The following CACNA2D1 variants were observed in gnomAD, a reference collection of about 807,000 sequenced individuals.
CACNA2D1 encodes the protein voltage-dependent calcium channel subunit alpha-2/delta-1.
In CACNA2D1, 53 loss-of-function variants were observed where a neutral mutation model predicts 171.5. The ratio of observed to expected loss-of-function variants is 0.31; its 90% CI spans 0.25 to 0.39. CACNA2D1 has a LOEUF of 0.39. CACNA2D1 is among the 10% of genes least tolerant of loss of function. The probability of loss-of-function intolerance (pLI) is 1.00; values close to 1 mark genes in which losing one functional copy is unlikely to be tolerated. For missense variants in CACNA2D1, 903 were observed against 1,299.8 expected (o/e 0.69, Z 4.69); for synonymous variants, 442 against 443.1 (o/e 1.00, Z 0.03).
intron 1 of CACNA2D1, among the ~76,000 whole-genome samples, chr7:82,409,693 T>A (rs1272630406): frequency 6.6e-6 from 1 of 152,212 alleles, no homozygotes; most frequent in Admixed American, 6.5e-5. Context: ...TACAATGTGA[T>A]TGCTGAGAGT....
At chr7:82,063,684 A>C (rs1056831865) in intron 9 of CACNA2D1, among the ~76,000 whole-genome samples, 1 of 152,074 alleles carries the variant, frequency 6.6e-6, no homozygotes. Context: ...TAAAAAAGTA[A>C]ATCTCCATAG....
At chr7:81,981,445 A>G (rs943327646) in intron 24 of CACNA2D1, among the ~76,000 whole-genome samples, 2 of 152,182 alleles carry the variant, frequency 1.3e-5, no homozygotes, top group South Asian at 2.1e-4. Flanking sequence ...TTGTTAACAG[A>G]GATTTTTCAA....
chr7:82,344,743 T>A (rs1819052958), intron 2 of CACNA2D1, among the ~76,000 whole-genome samples: 1 of 152,150 alleles, frequency 6.6e-6, no homozygotes. Flanking sequence ...TCCAGGAGTA[T>A]AAGATAATTT....
At chr7:82,165,460 A>T (rs563756318) in intron 4 of CACNA2D1, among the ~76,000 whole-genome samples, 12 of 152,184 alleles carry the variant, frequency 7.9e-5, no homozygotes, top group African/African-American at 2.9e-4. Flanking sequence ...GTAATTAATG[A>T]TTAAATATTT....
chr7:81,961,110 G>A (rs1283269834), intron 36 of CACNA2D1, among the ~76,000 whole-genome samples: 10 of 151,460 alleles, frequency 6.6e-5, no homozygotes, highest in African/African-American at 2.2e-4. Flanking sequence ...TTCCGCTATG[G>A]TAACATTTCT....
intron 3 of CACNA2D1, among the ~76,000 whole-genome samples, chr7:82,214,416 G>C (rs1013289140): frequency 4.6e-5 from 7 of 151,110 alleles, no homozygotes; most frequent in Non-Finnish European, 1.0e-4. Flanking sequence ...TTTCCTTCGG[G>C]GAAGGAGCAA....
intron 12 of CACNA2D1, among the ~76,000 whole-genome samples, chr7:82,022,222 A>AACACACAC (rs71520795): frequency 0.021 from 3,014 of 145,840 alleles, 32 homozygotes; most frequent in South Asian, 0.026. Flanking sequence ...CAGAGACAAG[A>AACACACAC]ACACACACAC....
chr7:82,420,802 C>CA, intron 1 of CACNA2D1, among the ~76,000 whole-genome samples: 1 of 143,292 alleles, frequency 7.0e-6, no homozygotes, highest in East Asian at 2.0e-4. Flanking sequence ...TTCAGAATGA[C>CA]AAAAAATAGA....
intron 3 of CACNA2D1, among the ~76,000 whole-genome samples, chr7:82,295,112 A>G (rs528001652): frequency 6.6e-6 from 1 of 152,314 alleles, no homozygotes; most frequent in South Asian, 2.1e-4. Flanking sequence ...TATATTTCCA[A>G]TACTTCATTT....
intron 3 of CACNA2D1, among the ~76,000 whole-genome samples, chr7:82,283,629 G>C (rs1025082735): frequency 2.6e-5 from 4 of 151,996 alleles, no homozygotes; most frequent in African/African-American, 9.7e-5. Context: ...GATGATAGGA[G>C]GAAGATTCTT....
At chr7:82,187,162 A>C (rs2129180556) in intron 3 of CACNA2D1, among the ~76,000 whole-genome samples, 1 of 152,314 alleles carries the variant, frequency 6.6e-6, no homozygotes, top group South Asian at 2.1e-4. Flanking sequence ...GCAAATACTA[A>C]AAGAAACAAA....
intron 6 of CACNA2D1, among the ~76,000 whole-genome samples, chr7:82,093,190 T>C (rs1811438620): frequency 6.6e-6 from 1 of 152,172 alleles, no homozygotes; most frequent in Admixed American, 6.5e-5. Flanking sequence ...GAAAGTGTTT[T>C]ACCCTCTCTA....
At chr7:82,344,449 G>A (rs1023753966) in intron 2 of CACNA2D1, among the ~76,000 whole-genome samples, 35 of 152,132 alleles carry the variant, frequency 2.3e-4, no homozygotes, top group African/African-American at 8.0e-4. Flanking sequence ...ATTAACGGCC[G>A]GAAGAGAATG....
intron 3 of CACNA2D1, among the ~76,000 whole-genome samples, chr7:82,233,223 A>T (rs1431931433): frequency 2.6e-5 from 4 of 152,240 alleles, no homozygotes; most frequent in African/African-American, 9.6e-5. Context: ...ACATTATTTT[A>T]TTCTTGACAT....
At chr7:82,120,862 G>A (rs1401762035) in intron 5 of CACNA2D1, among the ~76,000 whole-genome samples, 99 of 126,094 alleles carry the variant, frequency 7.9e-4, no homozygotes, top group African/African-American at 3.0e-3. Context: ...GTGACAGAGC[G>A]AGACTCTATC....
At position 82,192,170 on chromosome 7, in the gene CACNA2D1, A is replaced by T. The variant is rs575417078; in HGVS notation, c.295-21561T>A. Among the ~76,000 whole-genome samples, 8 of 151,904 alleles carry T rather than the reference A, an allele frequency of 5.3e-5. No homozygotes were observed. In the South Asian group the frequency reaches 1.7e-3, roughly 31 times the overall value. ...TGTAAAGAAACAGAAAATGAAAAAA[A>T]AAACCTAAATAGAATGACTTTGTGT... On this transcript the variant is annotated intron_variant, in intron 3 of 38. Transcript: ENST00000356860.
At chr7:82,357,457 C>A (rs935401274) in intron 1 of CACNA2D1, among the ~76,000 whole-genome samples, 2 of 152,008 alleles carry the variant, frequency 1.3e-5, no homozygotes, top group Non-Finnish European at 2.9e-5. Flanking sequence ...TGGAACAATG[C>A]AGCCAAAATG....
At chr7:82,123,395 T>A (rs1789969721) in intron 5 of CACNA2D1, among the ~76,000 whole-genome samples, 1 of 152,188 alleles carries the variant, frequency 6.6e-6, no homozygotes, top group Non-Finnish European at 1.5e-5. Flanking sequence ...TTTTGCCTAC[T>A]GCAAGAACAC....
chr7:82,163,772 G>A (rs1033597297), intron 4 of CACNA2D1, among the ~76,000 whole-genome samples: 6 of 151,990 alleles, frequency 3.9e-5, no homozygotes, highest in Non-Finnish European at 2.9e-5. Flanking sequence ...AATAGGAGCT[G>A]GCAGATGCTC....
Sources: gnomAD v4.1 joint callset for allele counts (sites outside exome capture counted in the v4.1 genomes callset) on GRCh38, gnomAD v4.1.1 for gene constraint, MANE v1.5 for transcripts, NCBI Gene and HGNC (gene_info 2026-07-23, HGNC 2026-07-21) for gene names.